The following ADGRV1 variants were observed in gnomAD, a reference collection of about 807,000 sequenced individuals.
ADGRV1 encodes the protein adhesion G protein-coupled receptor V1.
A neutral mutation model predicts 596.2 loss-of-function variants in ADGRV1; 359 were observed. That is an observed-to-expected ratio of 0.60 (90% CI 0.55 to 0.66). The LOEUF (loss-of-function observed/expected upper bound fraction) is 0.66. Ranked by LOEUF, ADGRV1 falls within the 30% of genes least tolerant of loss-of-function variation. ADGRV1 has a pLI of 0.00. For missense variants in ADGRV1, 7,274 were observed against 7,575.6 expected (o/e 0.96, Z 1.48); for synonymous variants, 2,681 against 2,679.2 (o/e 1.00, Z -0.02).
At chr5:91,100,125 A>G (rs1226930101) in intron 86 of ADGRV1, among the ~76,000 whole-genome samples, 3 of 152,160 alleles carry the variant, frequency 2.0e-5, no homozygotes, top group African/African-American at 7.2e-5. Flanking sequence ...TGGCATCGAA[A>G]TAAACAATGA....
chr5:90,994,901 T>G (rs1391768887), intron 85 of ADGRV1, among the ~76,000 whole-genome samples: 1 of 152,226 alleles, frequency 6.6e-6, no homozygotes, highest in East Asian at 1.9e-4. Flanking sequence ...AGGCTCTATG[T>G]GCATGTTGGG....
At chr5:91,079,623 T>G (rs1173401211) in intron 86 of ADGRV1, among the ~76,000 whole-genome samples, 1 of 152,160 alleles carries the variant, frequency 6.6e-6, no homozygotes, top group Non-Finnish European at 1.5e-5. Flanking sequence ...GGTTTAAATT[T>G]CTGTTGAAAC....
chr5:90,713,715 A>T (rs1056535860), intron 42 of ADGRV1, among the ~76,000 whole-genome samples: 2 of 152,132 alleles, frequency 1.3e-5, no homozygotes, highest in African/African-American at 4.8e-5. Flanking sequence ...ATTCTTCTGC[A>T]TTTCATATAA....
chr5:90,965,796 A>AG (rs1181173819), intron 84 of ADGRV1, among the ~76,000 whole-genome samples: 1 of 152,224 alleles, frequency 6.6e-6, no homozygotes, highest in Non-Finnish European at 1.5e-5. Flanking sequence ...GGCCCTTTAA[A>AG]GCACAGTTGG....
chr5:90,839,928 G>A (rs1296298227), intron 77 of ADGRV1, among the ~76,000 whole-genome samples: 1 of 152,306 alleles, frequency 6.6e-6, no homozygotes. Context: ...GCTTGTACTA[G>A]GAGTTTAATA....
chr5:90,594,281 G>C (rs187402172), intron 1 of ADGRV1, among the ~76,000 whole-genome samples: 1 of 152,044 alleles, frequency 6.6e-6, no homozygotes, highest in Non-Finnish European at 1.5e-5. Context: ...CCTCCATGCT[G>C]TTCTCATGAT....
chr5:90,630,787 T>A (rs1765398199), intron 9 of ADGRV1, among the ~76,000 whole-genome samples: 1 of 152,206 alleles, frequency 6.6e-6, no homozygotes, highest in African/African-American at 2.4e-5. Flanking sequence ...GAGTTTCTGA[T>A]TGTCCCTTTT....
chr5:90,879,083 C>T (rs1346322159), intron 83 of ADGRV1, among the ~76,000 whole-genome samples: 1 of 152,108 alleles, frequency 6.6e-6, no homozygotes, highest in African/African-American at 2.4e-5. Flanking sequence ...GGCTTTTGTT[C>T]CAGTTCTTCC....
At chr5:90,966,998 G>A (rs1351410017) in intron 84 of ADGRV1, among the ~76,000 whole-genome samples, 1 of 152,154 alleles carries the variant, frequency 6.6e-6, no homozygotes, top group Non-Finnish European at 1.5e-5. Flanking sequence ...ACTTGATGAT[G>A]TAGCAACAGT....
In ADGRV1 at chr5:90,821,849, G is replaced by T. The variant is rs1426917090; in HGVS notation, c.16197-1576G>T. Among the ~76,000 whole-genome samples the T allele has an allele frequency of 1.8e-3, 280 of 152,256 alleles. 1 individual carries two copies. The highest frequency in any genetic ancestry group is 6.2e-3 in the African/African-American group (256 of 41,578). On this transcript the variant is annotated intron_variant, in intron 75 of 89. Coordinates refer to ENST00000405460, the MANE Select transcript of ADGRV1 (RefSeq NM_032119.4). ...TCAGACAGGGACATTTAAGTCTGCA[G>T]AGGTTACTGCTGTCTTTTTGTTTGT...
Position 90,916,843 on chromosome 5 carries a change from A to G in ADGRV1, c.17857-48572A>G, listed in dbSNP as rs368781356. On this transcript the variant is annotated intron_variant, in intron 83 of 89. Coordinates refer to ENST00000405460, the MANE Select transcript of ADGRV1 (RefSeq NM_032119.4). Reference sequence around the variant, plus strand: ...GAGACGGGGTTTCACCGTTTTAGCCAGGATGGTCTCGATCTCCTGACCTCG... The same window carrying G: ...GAGACGGGGTTTCACCGTTTTAGCCGGGATGGTCTCGATCTCCTGACCTCG... Among the ~76,000 whole-genome samples the G allele has an allele frequency of 5.9e-3, 901 of 151,830 alleles. 7 individuals are homozygous for G. Among genetic ancestry groups the G allele is most frequent in the East Asian group, 0.043 (220 of 5,152 alleles).
chr5:90,672,733 C>T lies in ADGRV1; in HGVS notation c.4929+11C>T, dbSNP rs1772662305. On this transcript the variant is annotated intron_variant, in intron 22 of 89. Coordinates refer to ENST00000405460, the MANE Select transcript of ADGRV1 (RefSeq NM_032119.4). ...TGGCAGAGATCAGAGGTAAACCCTACCTTTTTTGTTCCTTTGAAAGCCTCC... is the reference window on the plus strand; with the variant it reads ...TGGCAGAGATCAGAGGTAAACCCTATCTTTTTTGTTCCTTTGAAAGCCTCC... 6.4e-7 allele frequency: 1 copy of T among 1,574,632 alleles called. No individual in the cohort carries two copies. Among genetic ancestry groups the T allele is most frequent in the South Asian group, 1.2e-5 (1 of 83,718 alleles).
Position 90,774,844 on chromosome 5 carries a change from C to G in ADGRV1, c.12403+541C>G, listed in dbSNP as rs865868226. ...AATGTTAATAGTGGTTTTTGATTAC[C>G]TATATTTTCTAAACATATTTACAAT... On this transcript the variant is annotated intron_variant, in intron 60 of 89. Transcript: ENST00000405460. Among the ~76,000 whole-genome samples, 19 of 152,180 alleles carry G rather than the reference C, an allele frequency of 1.2e-4. No individual in the cohort carries two copies. The South Asian group carries it at 1.9e-3, about 15-fold the overall frequency.
At position 90,745,242 on chromosome 5, in the gene ADGRV1, C is replaced by T. The variant is rs375056990; in HGVS notation, c.10746C>T (p.Ser3582=). 2.5e-6 allele frequency: 4 copies of T among 1,599,234 alleles called. No homozygotes were observed. The South Asian group carries it at 4.5e-5, about 18-fold the overall frequency. ...ATATATATGAGCTAGCCTACATTTC[C>T]AGCCATTCTGACTTTATTCCTAGGT... The part of the protein sequence containing the change: ...HSHIYELAYI[S]SHSDFIPSSG... Residue 3582 remains serine (S), a synonymous_variant, in exon 51 of 90, where the codon TCC becomes TCT. Transcript: ENST00000405460.
At chr5:90,561,005 T>A (rs1291356652) in intron 1 of ADGRV1, among the ~76,000 whole-genome samples, 1 of 152,162 alleles carries the variant, frequency 6.6e-6, no homozygotes, top group African/African-American at 2.4e-5. Flanking sequence ...ACTAAACTCT[T>A]TTGTTCATAT....
intron 84 of ADGRV1, among the ~76,000 whole-genome samples, chr5:90,966,519 C>T (rs1275097396): frequency 1.2e-4 from 12 of 99,122 alleles, no homozygotes; most frequent in Admixed American, 6.5e-4. Context: ...GCGAGAAAAG[C>T]GAAACTCTGC....
rs760570487 is a variant in ADGRV1 at position 90,658,163 on chromosome 5, T to C, written c.4637T>C (p.Val1546Ala). ...GAAGAATTATTCATTCTTAAACTAG[T>C]TTCTGTATATGGAGGAGCTCGTATT... ...EGEELFILKL[V>A]SVYGGARISE... is the part of the protein sequence containing the mutation. The change falls in exon 21 of 90, where the codon GTT (valine) becomes GCT (alanine). Residue 1546 changes from valine (V) to alanine (A), a missense_variant. Around this residue, in one of 5 missense-constraint regions of ADGRV1, gnomAD observed 3,643 missense variants for 3,809.2 expected, o/e 0.96. Coordinates refer to ENST00000405460, the MANE Select transcript of ADGRV1 (RefSeq NM_032119.4). 1 of 1,611,944 alleles carries C rather than the reference T, an allele frequency of 6.2e-7. No homozygotes were observed.
rs372079875 is a variant in ADGRV1, at chr5:90,917,142, A to G, written c.17857-48273A>G. On this transcript the variant is annotated intron_variant, in intron 83 of 89. Transcript: ENST00000405460. ...CTTTCATAAGGGATGTAGCAATCAC[A>G]ATACTATCAGCAATGAGTGCTTGTT... 6.6e-5 allele frequency among the ~76,000 whole-genome samples: 10 copies of G among 152,222 alleles called. No individual in the cohort carries two copies. In the East Asian group the frequency reaches 1.7e-3, roughly 26 times the overall value.
chr5:90,713,705 A>C (rs1749700081), intron 42 of ADGRV1, among the ~76,000 whole-genome samples: 1 of 152,186 alleles, frequency 6.6e-6, no homozygotes. Context: ...GATCAGGACC[A>C]TTCTTCTGCA....
Sources: gnomAD v4.1 joint callset for allele counts (sites outside exome capture counted in the v4.1 genomes callset) on GRCh38, gnomAD v4.1.1 for gene constraint, gnomAD v4.1.1 regional missense constraint, MANE v1.5 for transcripts, NCBI Gene and HGNC (gene_info 2026-07-23, HGNC 2026-07-21) for gene names.